CRIP2: variants seen among roughly 807,000 people sequenced by gnomAD.
CRIP2 encodes the protein cysteine rich protein 2.
In CRIP2, 31 loss-of-function variants were observed where a neutral mutation model predicts 31.3. The observed-to-expected ratio is 0.99, with a 90% CI of 0.74 to 1.34. The LOEUF (loss-of-function observed/expected upper bound fraction) is 1.34, where lower values mean the gene tolerates loss of function less well. Ranked by LOEUF, CRIP2 falls within the 40% of genes most tolerant of loss-of-function variation. The pLI, the probability that CRIP2 is intolerant of heterozygous loss-of-function variation, is 0.00. For missense variants in CRIP2, 389 were observed against 301.6 expected, an observed-to-expected ratio of 1.29 and a Z score of -2.15; for synonymous variants, 177 against 127.2, an observed-to-expected ratio of 1.39 and a Z score of -2.63.
chr14:105,478,179 C>T lies in CRIP2; in HGVS notation c.44-87C>T, dbSNP rs1567062121. ...CTCCTGAAAGTGGGGACCCCCGGAG[C>T]GCGTGGGGGTGGTGGCTGCCAGGTG... On this transcript the variant is annotated intron_variant, in intron 1 of 7. Transcript: ENST00000329146. The surrounding 1 kb of genome is among the most constrained non-coding windows in gnomAD (Gnocchi z 4.9). The T allele has an allele frequency of 4.7e-6, 5 of 1,065,542 alleles. No individual in the cohort carries two copies. Among genetic ancestry groups the T allele is most frequent in the Non-Finnish European group, 5.2e-6 (4 of 774,752 alleles). 66.0% of individuals were successfully genotyped at this position (1,065,542 alleles called of 1,614,324 possible). A position where few individuals can be genotyped will look rare whatever the true frequency, so the allele number is the denominator to read the frequency against.
chr14:105,479,797 C>T lies in CRIP2; in HGVS notation c.*144C>T. On this transcript the variant is annotated 3_prime_UTR_variant, in exon 8 of 8. Coordinates refer to ENST00000329146, the MANE Select transcript of CRIP2 (RefSeq NM_001312.4). ...GTATTGGAGGAGGGGCAGCCACGGG[C>T]AGAGCACCATGCCCATCCCCGAGTC... The T allele has an allele frequency of 1.2e-6, 1 of 853,582 alleles. No homozygotes were observed. The highest frequency in any genetic ancestry group is 1.8e-6 in the Non-Finnish European group (1 of 544,584). The allele number at this position is 853,582 out of a possible 1,614,324, so 52.9% of individuals were successfully genotyped here.
In CRIP2 at chr14:105,479,418, A is replaced by G. The variant is rs1474752328; in HGVS notation, c.502-18A>G. Reference sequence around the variant, plus strand: ...GGAGTCTGTGGACTCCTCCCTCAGCACCCACCTTCTGCCCCAGCACGACGG... The same window carrying G: ...GGAGTCTGTGGACTCCTCCCTCAGCGCCCACCTTCTGCCCCAGCACGACGG... On this transcript the variant is annotated intron_variant, in intron 6 of 7. Coordinates refer to ENST00000329146, the MANE Select transcript of CRIP2 (RefSeq NM_001312.4). 6.2e-7 allele frequency: 1 copy of G among 1,612,140 alleles called. No individual in the cohort carries two copies. Among genetic ancestry groups the G allele is most frequent in the African/African-American group, 1.3e-5 (1 of 74,768 alleles).
Position 105,479,167 on chromosome 14 carries a change from G to A in CRIP2, c.449G>A (p.Cys150Tyr). The A allele has an allele frequency of 6.2e-7, 1 of 1,611,768 alleles. No homozygotes were observed. ...TSLGKDWHRP[C>Y]LRCERCGKTL... ...CTGGGCAAGGATTGGCACCGGCCCT[G>A]CCTGCGCTGCGAGCGCTGCGGGAAG... Residue 150 changes from cysteine (C) to tyrosine (Y), a missense_variant, in exon 6 of 8, where the codon TGC becomes TAC. By Grantham distance (194) the Cys-to-Tyr change is radical. Transcript: ENST00000329146.
upstream of CRIP2, chr14:105,473,245 CTGATGCCTCCTCA>C (rs2083871915): frequency 6.5e-7 from 1 of 1,529,886 alleles, no homozygotes; most frequent in Non-Finnish European, 8.7e-7. Context: ...AAGGTACTGA[CTGATGCCTCCTCA>C]CCATCTTCTG....
At position 105,479,803 on chromosome 14, in the gene CRIP2, A is replaced by G. The variant is rs1555437028; in HGVS notation, c.*150A>G. 2 of 792,636 alleles carry G rather than the reference A, an allele frequency of 2.5e-6. No individual in the cohort carries two copies. Among genetic ancestry groups the G allele is most frequent in the African/African-American group, 3.4e-5 (2 of 58,474 alleles). The allele number at this position is 792,636 out of a possible 1,614,324, so 49.1% of individuals were successfully genotyped here. A position where few individuals can be genotyped will look rare whatever the true frequency, so the allele number is the denominator to read the frequency against. ...GAGGAGGGGCAGCCACGGGCAGAGCACCATGCCCATCCCCGAGTCTCTGGT... is the reference window on the plus strand; with the variant it reads ...GAGGAGGGGCAGCCACGGGCAGAGCGCCATGCCCATCCCCGAGTCTCTGGT... On this transcript the variant is annotated 3_prime_UTR_variant, in exon 8 of 8. Transcript: ENST00000329146.
At chr14:105,477,808 G>A (rs1249337978) in intron 1 of CRIP2, among the ~76,000 whole-genome samples, 1 of 115,426 alleles carries the variant, frequency 8.7e-6, no homozygotes. Flanking sequence ...GATTTGTGGG[G>A]GGAGGCGGGC....
intron 1 of CRIP2, chr14:105,475,774 G>A: frequency 3.1e-6 from 3 of 971,556 alleles, no homozygotes; most frequent in Non-Finnish European, 3.7e-6. Flanking sequence ...CCTTCCTCCT[G>A]GCTGATTCGC....
rs1265232890 is a variant in CRIP2, at chr14:105,479,842, C to T, written c.*189C>T. On this transcript the variant is annotated 3_prime_UTR_variant, in exon 8 of 8. Coordinates refer to ENST00000329146, the MANE Select transcript of CRIP2 (RefSeq NM_001312.4). ...CGAGTCTCTGGTGTGTCTGCCCCCT[C>T]TGGCATCCTCTGGGCGTCCCATGAT... 6 of 626,320 alleles carry T rather than the reference C, an allele frequency of 9.6e-6. No individual in the cohort carries two copies. The highest frequency in any genetic ancestry group is 1.9e-5 in the South Asian group (1 of 53,094). 38.8% of individuals were successfully genotyped at this position (626,320 alleles called of 1,614,324 possible).
rs781915849 is a variant in CRIP2, at chr14:105,475,185, AGT to A, written c.43+283_43+284del. 6 of 339,494 alleles carry A rather than the reference AGT, an allele frequency of 1.8e-5. No individual in the cohort carries two copies. The South Asian group carries it at 6.0e-4, about 34-fold the overall frequency. The allele number at this position is 339,494 out of a possible 1,614,324, so 21.0% of individuals were successfully genotyped here. On this transcript the variant is annotated intron_variant, in intron 1 of 7. Transcript: ENST00000329146. The stretch of plus-strand genomic sequence containing the variant: ...GCTTGTGGTGCCCCGGGATGAGGCC[AGT>A]GTTTGGGGGAGCGCTCGGGGATCCG...
At chr14:105,479,528 C>G (rs781900033) in intron 7 of CRIP2, 35 bp downstream of exon 7, 2 of 1,612,756 alleles carry the variant, frequency 1.2e-6, no homozygotes, top group South Asian at 1.1e-5. Context: ...GATGTCTTCC[C>G]TGCCCTCCCC....
At position 105,478,572 on chromosome 14, in the gene CRIP2, G is replaced by A; in HGVS notation, c.196+65G>A. 1 of 1,554,624 alleles carries A rather than the reference G, an allele frequency of 6.4e-7. No homozygotes were observed. Among genetic ancestry groups the A allele is most frequent in the Non-Finnish European group, 8.7e-7 (1 of 1,151,536 alleles). On this transcript the variant is annotated intron_variant, in intron 3 of 7. Coordinates refer to ENST00000329146, the MANE Select transcript of CRIP2 (RefSeq NM_001312.4). The surrounding 1 kb of genome is among the most constrained non-coding windows in gnomAD (Gnocchi z 4.9). ...GGGAGGGGCGTGGCGCTGGCGCTGG[G>A]GAGGGCTGGGGGTCCCGGCCGCCGT...
At chr14:105,475,728 A>T in intron 1 of CRIP2, 1 of 722,332 alleles carries the variant, frequency 1.4e-6, no homozygotes, top group Non-Finnish European at 1.7e-6. Flanking sequence ...GTCTGGGCTT[A>T]CTCACTCTCT....
At chr14:105,476,352 C>CT (rs2083932396) in intron 1 of CRIP2, 2 of 985,380 alleles carry the variant, frequency 2.0e-6, no homozygotes, top group South Asian at 9.4e-5. Context: ...CTGGGAGGCA[C>CT]TGTGAGGGCG....
In CRIP2 at chr14:105,478,169, A is replaced by G. The variant is rs1249574184; in HGVS notation, c.44-97A>G. The stretch of plus-strand genomic sequence containing the variant: ...CCTGGGAGACCTCCTGAAAGTGGGG[A>G]CCCCCGGAGCGCGTGGGGGTGGTGG... On this transcript the variant is annotated intron_variant, in intron 1 of 7. Transcript: ENST00000329146. The surrounding 1 kb of genome is among the most constrained non-coding windows in gnomAD (Gnocchi z 4.9). 1.7e-5 allele frequency: 16 copies of G among 960,900 alleles called. No individual in the cohort carries two copies. The highest frequency in any genetic ancestry group is 1.6e-4 in the African/African-American group (9 of 55,576). The allele number at this position is 960,900 out of a possible 1,614,324, so 59.5% of individuals were successfully genotyped here. A position where few individuals can be genotyped will look rare whatever the true frequency, so the allele number is the denominator to read the frequency against.
intron 1 of CRIP2, 114 bp downstream of exon 1, chr14:105,475,019 C>A: frequency 1.7e-6 from 2 of 1,175,574 alleles, no homozygotes; most frequent in East Asian, 3.5e-5. Flanking sequence ...GGCCCCGGAC[C>A]GAGGATGCGC....
chr14:105,476,981 C>G (rs2083945011), intron 1 of CRIP2: 1 of 184,950 alleles, frequency 5.4e-6, no homozygotes, highest in East Asian at 1.9e-4. Flanking sequence ...TAGCCAGATG[C>G]CCCTCCCCGA....
upstream of CRIP2, chr14:105,473,395 T>C: frequency 6.5e-7 from 1 of 1,535,292 alleles, no homozygotes; most frequent in Non-Finnish European, 8.7e-7. Flanking sequence ...AGGGTGTGTG[T>C]GCAAGGGAGG....
At chr14:105,475,950 C>T (rs782595173) in intron 1 of CRIP2, 8 of 985,466 alleles carry the variant, frequency 8.1e-6, no homozygotes, top group Non-Finnish European at 9.6e-6. Context: ...AAGGCCGCCA[C>T]TGGGCTTCCC....
intron 1 of CRIP2, among the ~76,000 whole-genome samples, chr14:105,475,571 G>C (rs1258626248): frequency 6.6e-6 from 1 of 152,234 alleles, no homozygotes; most frequent in African/African-American, 2.4e-5. Flanking sequence ...ACGTGAGAGG[G>C]ACCTTGTGCT....
Sources: gnomAD v4.1 joint callset for allele counts (sites outside exome capture counted in the v4.1 genomes callset) on GRCh38, gnomAD v4.1.1 for gene constraint, Gnocchi (gnomAD v3.1) non-coding constraint, MANE v1.5 for transcripts, NCBI Gene and HGNC (gene_info 2026-07-23, HGNC 2026-07-21) for gene names.